SLC35F1: variants seen among roughly 807,000 people sequenced by gnomAD.
The protein encoded by SLC35F1 is solute carrier family 35 member F1.
A neutral mutation model predicts 48.7 loss-of-function variants in SLC35F1; 14 were observed. The ratio of observed to expected loss-of-function variants is 0.29; its 90% CI spans 0.19 to 0.45. The LOEUF (loss-of-function observed/expected upper bound fraction) is 0.45, where lower values mean the gene tolerates loss of function less well. Among genes scored for constraint, SLC35F1 ranks in the 20% least tolerant of loss-of-function variants. The pLI, the probability that SLC35F1 is intolerant of heterozygous loss-of-function variation, is 1.00. For synonymous variants in SLC35F1, 190 were observed against 202.2 expected, an observed-to-expected ratio of 0.94 and a Z score of 0.51; for missense variants, 404 against 500.0, an observed-to-expected ratio of 0.81 and a Z score of 1.83.
intron 2 of SLC35F1, among the ~76,000 whole-genome samples, chr6:118,217,728 GC>G (rs1168878803): frequency 2.0e-5 from 3 of 152,012 alleles, no homozygotes; most frequent in Non-Finnish European, 4.4e-5. Flanking sequence ...CAGGAATTAT[GC>G]CCCCCTGCTT....
chr6:118,075,200 G>T (rs930379803), intron 1 of SLC35F1, among the ~76,000 whole-genome samples: 3 of 152,050 alleles, frequency 2.0e-5, no homozygotes, highest in African/African-American at 7.2e-5. Context: ...TATTTATGCT[G>T]GTCAGAATAT....
chr6:117,963,298 G>A (rs78327560), intron 1 of SLC35F1, among the ~76,000 whole-genome samples: 1,998 of 151,494 alleles, frequency 0.013, 45 homozygotes, highest in African/African-American at 0.046. Context: ...AAGTTTTGGC[G>A]TAAAGTAAAT....
At chr6:117,934,024 C>T (rs996495172) in intron 1 of SLC35F1, among the ~76,000 whole-genome samples, 6 of 151,816 alleles carry the variant, frequency 4.0e-5, no homozygotes, top group Admixed American at 1.3e-4. Flanking sequence ...GGGTTTGCTC[C>T]GACAGAGTAA....
chr6:118,080,150 A>C (rs1261472457), intron 1 of SLC35F1, among the ~76,000 whole-genome samples: 1 of 152,216 alleles, frequency 6.6e-6, no homozygotes, highest in Non-Finnish European at 1.5e-5. Flanking sequence ...CTGAAGTAAT[A>C]GTTTCATCAA....
At chr6:118,180,036 G>A (rs1774550747) in intron 2 of SLC35F1, among the ~76,000 whole-genome samples, 1 of 152,132 alleles carries the variant, frequency 6.6e-6, no homozygotes, top group South Asian at 2.1e-4. Flanking sequence ...AGGGAAATGT[G>A]CCTGTCTGAG....
chr6:118,122,733 G>A (rs1028009366), intron 1 of SLC35F1, among the ~76,000 whole-genome samples: 1 of 152,162 alleles, frequency 6.6e-6, no homozygotes, highest in African/African-American at 2.4e-5. Context: ...CAAAAGGCAG[G>A]CAGCCGCAAA....
At chr6:118,233,534 CT>C (rs1222587307) in intron 2 of SLC35F1, among the ~76,000 whole-genome samples, 34 of 151,770 alleles carry the variant, frequency 2.2e-4, no homozygotes, top group Admixed American at 2.2e-3. Flanking sequence ...CAGTATTTCA[CT>C]TTTTTTTTGT....
intron 3 of SLC35F1, among the ~76,000 whole-genome samples, chr6:118,246,446 T>C (rs140576982): frequency 6.6e-6 from 1 of 152,238 alleles, no homozygotes; most frequent in African/African-American, 2.4e-5. Context: ...TGAAATATAG[T>C]AAAATGGAGC....
At chr6:118,165,247 C>T (rs1774300624) in intron 2 of SLC35F1, among the ~76,000 whole-genome samples, 1 of 152,192 alleles carries the variant, frequency 6.6e-6, no homozygotes, top group Non-Finnish European at 1.5e-5. Flanking sequence ...CCCTTTCTCT[C>T]CCCTTGTTTG....
At chr6:117,926,007 T>A (rs1417539964) in intron 1 of SLC35F1, among the ~76,000 whole-genome samples, 1 of 152,124 alleles carries the variant, frequency 6.6e-6, no homozygotes, top group Non-Finnish European at 1.5e-5. Context: ...ATGAAAGATC[T>A]CACACAGTAT....
intron 3 of SLC35F1, among the ~76,000 whole-genome samples, chr6:118,240,779 G>A (rs997618961): frequency 6.6e-5 from 10 of 152,082 alleles, no homozygotes; most frequent in African/African-American, 1.4e-4. Context: ...AGCAGACAGC[G>A]TGTTCAAGGC....
At chr6:118,047,571 C>A (rs1772318625) in intron 1 of SLC35F1, among the ~76,000 whole-genome samples, 1 of 152,138 alleles carries the variant, frequency 6.6e-6, no homozygotes, top group African/African-American at 2.4e-5. Context: ...TCTTTGAAAT[C>A]AAATGATTTT....
chr6:118,130,340 G>A (rs538792818), intron 1 of SLC35F1, among the ~76,000 whole-genome samples: 29 of 152,234 alleles, frequency 1.9e-4, no homozygotes, highest in African/African-American at 7.0e-4. Context: ...TTCTTCATCT[G>A]CAAAAGTGAA....
At chr6:117,926,506 G>A (rs1348007881) in intron 1 of SLC35F1, among the ~76,000 whole-genome samples, 1 of 152,164 alleles carries the variant, frequency 6.6e-6, no homozygotes, top group Non-Finnish European at 1.5e-5. Context: ...GAGTGTGTGT[G>A]TGTGTTTGTG....
intron 1 of SLC35F1, among the ~76,000 whole-genome samples, chr6:118,089,282 G>A (rs1582659889): frequency 6.6e-6 from 1 of 152,156 alleles, no homozygotes; most frequent in East Asian, 1.9e-4. Flanking sequence ...TCTCACTATA[G>A]ATACTAACTG....
chr6:118,027,161 A>G (rs918474644), intron 1 of SLC35F1, among the ~76,000 whole-genome samples: 3 of 152,130 alleles, frequency 2.0e-5, no homozygotes, highest in Non-Finnish European at 4.4e-5. Context: ...TCACTGAAAT[A>G]TTCCATTTTA....
chr6:118,077,174 C>G (rs1470472607), intron 1 of SLC35F1, among the ~76,000 whole-genome samples: 1 of 152,200 alleles, frequency 6.6e-6, no homozygotes, highest in Non-Finnish European at 1.5e-5. Context: ...GATGAACACT[C>G]AAAGGCATCC....
At chr6:117,965,404 C>G (rs920807587) in intron 1 of SLC35F1, among the ~76,000 whole-genome samples, 1 of 152,228 alleles carries the variant, frequency 6.6e-6, no homozygotes, top group African/African-American at 2.4e-5. Context: ...CATCTCTCCT[C>G]AGTTCTTATG....
At chr6:118,123,428 G>GT (rs5879449) in intron 1 of SLC35F1, among the ~76,000 whole-genome samples, 4 of 151,020 alleles carry the variant, frequency 2.6e-5, no homozygotes, top group African/African-American at 9.7e-5. Context: ...CCAAATGATA[G>GT]TTTTTTTTTT....
Sources: gnomAD v4.1 joint callset for allele counts (sites outside exome capture counted in the v4.1 genomes callset) on GRCh38, gnomAD v4.1.1 for gene constraint, MANE v1.5 for transcripts, NCBI Gene and HGNC (gene_info 2026-07-23, HGNC 2026-07-21) for gene names.